AUTS2: variants seen among roughly 807,000 people sequenced by gnomAD.
AUTS2 encodes autism susceptibility gene 2 protein.
A neutral mutation model predicts 112.4 loss-of-function variants in AUTS2; 17 were observed. The ratio of observed to expected loss-of-function variants is 0.15; its 90% CI spans 0.10 to 0.23. The LOEUF (loss-of-function observed/expected upper bound fraction) is 0.23, where lower values mean the gene tolerates loss of function less well. Ranked by LOEUF, AUTS2 falls within the 10% of genes least tolerant of loss-of-function variation. The probability of loss-of-function intolerance (pLI) is 1.00; values close to 1 mark genes in which losing one functional copy is unlikely to be tolerated. For missense variants in AUTS2, 1,510 were observed against 1,701.6 expected, an observed-to-expected ratio of 0.89 and a Z score of 1.98; for synonymous variants, 751 against 702.7, an observed-to-expected ratio of 1.07 and a Z score of -1.09.
chr7:70,116,939 T>C (rs1222565512), intron 2 of AUTS2, among the ~76,000 whole-genome samples: 1 of 152,124 alleles, frequency 6.6e-6, no homozygotes, highest in Non-Finnish European at 1.5e-5. Context: ...TTTCTGAAAA[T>C]GTGTTTGGTG....
intron 5 of AUTS2, among the ~76,000 whole-genome samples, chr7:70,460,043 C>T (rs1200930622): frequency 2.0e-5 from 3 of 152,136 alleles, no homozygotes; most frequent in Non-Finnish European, 2.9e-5. Flanking sequence ...CAGTCATCCC[C>T]ACAGCCCCGG....
intron 5 of AUTS2, among the ~76,000 whole-genome samples, chr7:70,576,075 C>T (rs1200438896): frequency 6.6e-6 from 1 of 152,034 alleles, no homozygotes; most frequent in Non-Finnish European, 1.5e-5. Flanking sequence ...TCTTGGAATC[C>T]ATTTCCCTAA....
At chr7:70,506,886 T>G (rs1325848751) in intron 5 of AUTS2, among the ~76,000 whole-genome samples, 1 of 152,222 alleles carries the variant, frequency 6.6e-6, no homozygotes, top group Non-Finnish European at 1.5e-5. Context: ...GTCCCCTCTG[T>G]GCCTTTCAAG....
At chr7:70,712,760 G>C (rs1810129470) in intron 6 of AUTS2, among the ~76,000 whole-genome samples, 1 of 152,176 alleles carries the variant, frequency 6.6e-6, no homozygotes, top group Non-Finnish European at 1.5e-5. Context: ...TATTGCACAG[G>C]GAATAGGTCT....
intron 1 of AUTS2, among the ~76,000 whole-genome samples, chr7:69,854,905 G>C (rs1792650381): frequency 6.6e-6 from 1 of 152,148 alleles, no homozygotes; most frequent in South Asian, 2.1e-4. Context: ...CTAGAGTGTA[G>C]TCCAGAAACC....
At chr7:69,862,528 G>C (rs920632325) in intron 1 of AUTS2, among the ~76,000 whole-genome samples, 4 of 152,188 alleles carry the variant, frequency 2.6e-5, no homozygotes, top group Admixed American at 2.6e-4. Context: ...TTTTCTGAAA[G>C]GAGGGCCATT....
intron 4 of AUTS2, among the ~76,000 whole-genome samples, chr7:70,139,950 A>G (rs1312456969): frequency 6.6e-5 from 10 of 152,184 alleles, no homozygotes. Context: ...GCAGTGAGAC[A>G]GGATGGCGCC....
chr7:70,463,335 T>C (rs1797045163), intron 5 of AUTS2, among the ~76,000 whole-genome samples: 1 of 152,268 alleles, frequency 6.6e-6, no homozygotes, highest in Non-Finnish European at 1.5e-5. Context: ...TGTATTTTTC[T>C]GTTCATAAGA....
intron 1 of AUTS2, among the ~76,000 whole-genome samples, chr7:69,774,418 T>A (rs1354316491): frequency 6.6e-6 from 1 of 152,068 alleles, no homozygotes; most frequent in Non-Finnish European, 1.5e-5. Flanking sequence ...TAAGTAAATA[T>A]CTTTTGATGT....
chr7:70,169,922 C>T (rs1169398638), intron 4 of AUTS2, among the ~76,000 whole-genome samples: 1 of 152,078 alleles, frequency 6.6e-6, no homozygotes, highest in Non-Finnish European at 1.5e-5. Context: ...CCTTACAAAA[C>T]TTTATTTGCT....
At chr7:69,747,181 A>G (rs1435647374) in intron 1 of AUTS2, among the ~76,000 whole-genome samples, 1 of 152,182 alleles carries the variant, frequency 6.6e-6, no homozygotes, top group Non-Finnish European at 1.5e-5. Flanking sequence ...ATTATTTACA[A>G]ATGTCAAGGC....
chr7:69,698,941 A>G (rs1229049931), intron 1 of AUTS2, among the ~76,000 whole-genome samples: 2 of 152,136 alleles, frequency 1.3e-5, no homozygotes, highest in South Asian at 2.1e-4. Context: ...TCCCAATGTC[A>G]TATATAACTT....
chr7:70,777,125 T>C lies in AUTS2; in HGVS notation c.1955T>C (p.Met652Thr), dbSNP rs1206101901. 1 of 1,614,048 alleles carries C rather than the reference T, an allele frequency of 6.2e-7. No individual in the cohort carries two copies. The highest frequency in any genetic ancestry group is 1.7e-5 in the Admixed American group (1 of 60,008). ...MLRKPGKWCA[M>T]HVHIAWQIYH... is the part of the protein sequence containing the mutation. The stretch of plus-strand genomic sequence containing the variant: ...CAGAAACCAGGGAAGTGGTGTGCTA[T>C]GCATGTTCACATCGCCTGGCAGATT... The change falls in exon 14 of 19, where the codon ATG becomes ACG. Residue 652 changes from methionine (M) to threonine (T), a missense_variant. Physicochemically the swap from Met to Thr is moderately conservative, Grantham distance 81 (BLOSUM62 -1). Transcript: ENST00000342771.
chr7:70,497,199 CAT>C (rs553235680), intron 5 of AUTS2, among the ~76,000 whole-genome samples: 28 of 149,660 alleles, frequency 1.9e-4, no homozygotes, highest in African/African-American at 6.2e-4. Context: ...ACCTCACACA[CAT>C]GCACATGTCA....
intron 1 of AUTS2, among the ~76,000 whole-genome samples, chr7:69,607,248 C>T (rs1452635814): frequency 1.3e-5 from 2 of 152,244 alleles, no homozygotes; most frequent in South Asian, 2.1e-4. Context: ...GTGTTTATTT[C>T]ATATATTAGT....
At chr7:69,831,845 A>C (rs1791514788) in intron 1 of AUTS2, among the ~76,000 whole-genome samples, 1 of 152,160 alleles carries the variant, frequency 6.6e-6, no homozygotes, top group Non-Finnish European at 1.5e-5. Flanking sequence ...TTAAAGTTAA[A>C]AAATTTTACA....
intron 2 of AUTS2, among the ~76,000 whole-genome samples, chr7:70,022,141 A>C (rs910160033): frequency 2.0e-5 from 3 of 149,990 alleles, no homozygotes; most frequent in Non-Finnish European, 3.0e-5. Flanking sequence ...GTCTGTCATA[A>C]TTGGCAAAAA....
intron 2 of AUTS2, among the ~76,000 whole-genome samples, chr7:69,941,076 G>GCATGTACACACGCACACACA (rs1161087577): frequency 1.3e-5 from 2 of 152,176 alleles, no homozygotes; most frequent in Non-Finnish European, 2.9e-5. Flanking sequence ...ATGCACGCAA[G>GCATGTACACACGCACACACA]CATGTACACA....
At chr7:69,973,242 T>G (rs1366269570) in intron 2 of AUTS2, among the ~76,000 whole-genome samples, 1 of 152,238 alleles carries the variant, frequency 6.6e-6, no homozygotes, top group Non-Finnish European at 1.5e-5. Flanking sequence ...ATATTGTTAG[T>G]ATACAGAATA....
Sources: gnomAD v4.1 joint callset for allele counts (sites outside exome capture counted in the v4.1 genomes callset) on GRCh38, gnomAD v4.1.1 for gene constraint, MANE v1.5 for transcripts, NCBI Gene and HGNC (gene_info 2026-07-23, HGNC 2026-07-21) for gene names.